Variants in TMEM167A observed in about 807,000 individuals in gnomAD.
TMEM167A encodes transmembrane protein 167A.
In TMEM167A, 8 loss-of-function variants were observed where a neutral mutation model predicts 11.6. The observed-to-expected ratio is 0.69, with a 90% CI of 0.40 to 1.24. The LOEUF is 1.24. TMEM167A is among the 50% of genes most tolerant of loss of function. TMEM167A has a pLI of 0.01. For synonymous variants in TMEM167A, 22 were observed against 28.0 expected (o/e 0.79, Z 0.67); for missense variants, 62 against 87.0 (o/e 0.71, Z 1.14).
chr5:83,072,952 G>A (rs151094938), intron 1 of TMEM167A, among the ~76,000 whole-genome samples: 17 of 152,132 alleles, frequency 1.1e-4, no homozygotes, highest in African/African-American at 4.1e-4. Context: ...TAACTGTGAT[G>A]CCATTTTCAT....
intron 2 of TMEM167A, among the ~76,000 whole-genome samples, chr5:83,064,728 C>T (rs555671288): frequency 2.5e-4 from 38 of 152,214 alleles, no homozygotes; most frequent in African/African-American, 8.2e-4. Flanking sequence ...ATCATAAAAA[C>T]TGATGGACAA....
Position 83,070,174 on chromosome 5 carries a change from A to G in TMEM167A, c.4-5057T>C, listed in dbSNP as rs138168070. ...AGCTTTGAAGGTGCTTGCACACTGG[A>G]AAGTGTGTGTTCTTCTGACTTCTTT... On this transcript the variant is annotated intron_variant, in intron 1 of 3. Transcript: ENST00000502346. Among the ~76,000 whole-genome samples, 365 of 152,244 alleles carry G rather than the reference A, an allele frequency of 2.4e-3. 4 individuals are homozygous for G. Among genetic ancestry groups the G allele is most frequent in the African/African-American group, 8.3e-3 (344 of 41,566 alleles).
rs78770893 is a variant in TMEM167A, at chr5:83,062,953, G to T, written c.114-1042C>A. On this transcript the variant is annotated intron_variant, in intron 2 of 3. Transcript: ENST00000502346. ...TCTGGTTCAGTTAAGTTCTATATATGTTCCTCCTCTGAAGTATAACTTCCT... is the reference window on the plus strand; with the variant it reads ...TCTGGTTCAGTTAAGTTCTATATATTTTCCTCCTCTGAAGTATAACTTCCT... Among the ~76,000 whole-genome samples, 1,275 of 150,218 alleles carry T rather than the reference G, an allele frequency of 8.5e-3. 24 individuals carry two copies. Among genetic ancestry groups the T allele is most frequent in the African/African-American group, 0.03 (1,206 of 40,732 alleles).
chr5:83,057,270 G>A (rs903320431), intron 3 of TMEM167A, 116 bp from the exon 4 acceptor site: 34 of 860,540 alleles, frequency 4.0e-5, no homozygotes, highest in Non-Finnish European at 5.5e-5. Context: ...CCCGCACATT[G>A]GGGGTGGGGC....
chr5:83,071,605 A>G (rs1744561699), intron 1 of TMEM167A, among the ~76,000 whole-genome samples: 1 of 152,224 alleles, frequency 6.6e-6, no homozygotes, highest in African/African-American at 2.4e-5. Flanking sequence ...TTTGCCCAAA[A>G]AAAGTGACCA....
intron 2 of TMEM167A, chr5:83,064,279 G>A (rs1279827431): frequency 3.9e-6 from 2 of 518,716 alleles, no homozygotes; most frequent in Non-Finnish European, 7.7e-6. Flanking sequence ...TGTTAATGTA[G>A]CATGTTATGA....
rs1020805161 is a variant in TMEM167A, at chr5:83,054,287, G to A, written c.*2797C>T. ...TGATCCTCAAATTATTTAAGCCACA[G>A]AAGGGATTCAGACTCTGGCCTTTTG... On this transcript the variant is annotated 3_prime_UTR_variant, in exon 4 of 4. Coordinates refer to ENST00000502346, the MANE Select transcript of TMEM167A (RefSeq NM_174909.5). The A allele has an allele frequency of 1.3e-5, 2 of 151,974 alleles. No individual in the cohort carries two copies. Among genetic ancestry groups the A allele is most frequent in the Non-Finnish European group, 2.9e-5 (2 of 67,934 alleles). The allele number at this position is 151,974 out of a possible 1,614,324, so 9.4% of individuals were successfully genotyped here. A position where few individuals can be genotyped will look rare whatever the true frequency, so the allele number is the denominator to read the frequency against.
chr5:83,066,746 T>C (rs1306096837), intron 1 of TMEM167A, among the ~76,000 whole-genome samples: 1 of 152,040 alleles, frequency 6.6e-6, no homozygotes, highest in African/African-American at 2.4e-5. Flanking sequence ...TGGGAGGTGT[T>C]TGGGTTTGGG....
rs189693711 is a variant in TMEM167A, at chr5:83,068,631, C to T, written c.4-3514G>A. Reference sequence around the variant, plus strand: ...CATTCAGATGGGCAAATAGCAAGCTCCAGAAGAGAAAAAAAAATGTGGGAA... The same window carrying T: ...CATTCAGATGGGCAAATAGCAAGCTTCAGAAGAGAAAAAAAAATGTGGGAA... On this transcript the variant is annotated intron_variant, in intron 1 of 3. Coordinates refer to ENST00000502346, the MANE Select transcript of TMEM167A (RefSeq NM_174909.5). Among the ~76,000 whole-genome samples, 230 of 151,694 alleles carry T rather than the reference C, an allele frequency of 1.5e-3. 2 individuals carry two copies. Among genetic ancestry groups the T allele is most frequent in the African/African-American group, 5.2e-3 (216 of 41,316 alleles).
intron 1 of TMEM167A, among the ~76,000 whole-genome samples, chr5:83,070,580 C>G (rs928511771): frequency 2.6e-5 from 4 of 152,086 alleles, no homozygotes; most frequent in African/African-American, 4.8e-5. Context: ...TATTTGGCCA[C>G]CACTACAGGA....
Position 83,064,638 on chromosome 5 carries a change from A to G in TMEM167A, c.113+370T>C, listed in dbSNP as rs566416319. 7.2e-4 allele frequency among the ~76,000 whole-genome samples: 110 copies of G among 152,220 alleles called. No homozygotes were observed. The Middle Eastern group carries it at 0.024, about 33-fold the overall frequency. On this transcript the variant is annotated intron_variant, in intron 2 of 3. Transcript: ENST00000502346. ...ACGTAATTTCAACAAATGGGTGAAT[A>G]CTGAAGAATAAATTCAACAGGACTT...
intron 1 of TMEM167A, among the ~76,000 whole-genome samples, chr5:83,076,634 T>C (rs1221401282): frequency 6.6e-6 from 1 of 152,248 alleles, no homozygotes. Flanking sequence ...GTCATAGTTG[T>C]TTTTGGGTCT....
At chr5:83,072,388 G>GA (rs1744574923) in intron 1 of TMEM167A, among the ~76,000 whole-genome samples, 1 of 151,996 alleles carries the variant, frequency 6.6e-6, no homozygotes, top group Non-Finnish European at 1.5e-5. Flanking sequence ...TTGCAATCAA[G>GA]AAAAAAACAA....
chr5:83,077,288 G>A (rs746612632), intron 1 of TMEM167A, 33 bp downstream of exon 1: 1 of 1,614,190 alleles, frequency 6.2e-7, no homozygotes. Flanking sequence ...CCTTCTCGAA[G>A]ATCAACCGCG....
chr5:83,072,360 C>A (rs1580178311), intron 1 of TMEM167A, among the ~76,000 whole-genome samples: 1 of 152,274 alleles, frequency 6.6e-6, no homozygotes, highest in African/African-American at 2.4e-5. Flanking sequence ...GCAAAGCCTG[C>A]TGTAAAGTCC....
chr5:83,057,240 T>G lies in TMEM167A; in HGVS notation c.149-86A>C, dbSNP rs1343728019. 3.1e-6 allele frequency: 4 copies of G among 1,304,058 alleles called. No homozygotes were observed. The African/African-American group carries it at 5.8e-5, about 19-fold the overall frequency. 80.8% of individuals were successfully genotyped at this position (1,304,058 alleles called of 1,614,324 possible). On this transcript the variant is annotated intron_variant, in intron 3 of 3. Transcript: ENST00000502346. Reference sequence around the variant, plus strand: ...GGTTATACTACCATAAGAATCAAGATAACATTCTTCCCTAGGAGGCCCGCA... The same window carrying G: ...GGTTATACTACCATAAGAATCAAGAGAACATTCTTCCCTAGGAGGCCCGCA...
At chr5:83,069,906 A>T (rs922250086) in intron 1 of TMEM167A, among the ~76,000 whole-genome samples, 4 of 152,196 alleles carry the variant, frequency 2.6e-5, no homozygotes, top group African/African-American at 9.6e-5. Context: ...AAACCAGTGT[A>T]GATCAGATTG....
At chr5:83,070,342 G>A (rs939722002) in intron 1 of TMEM167A, among the ~76,000 whole-genome samples, 1 of 152,126 alleles carries the variant, frequency 6.6e-6, no homozygotes, top group Non-Finnish European at 1.5e-5. Context: ...GCCTCCAAAC[G>A]ATTTGTCATC....
At chr5:83,064,888 A>G in intron 2 of TMEM167A, 120 bp downstream of exon 2, 2 of 621,694 alleles carry the variant, frequency 3.2e-6, no homozygotes, top group Non-Finnish European at 5.5e-6. Context: ...AGAAAATGAA[A>G]AAAGTTATTA....
Sources: gnomAD v4.1 joint callset for allele counts (sites outside exome capture counted in the v4.1 genomes callset) on GRCh38, gnomAD v4.1.1 for gene constraint, MANE v1.5 for transcripts, NCBI Gene and HGNC (gene_info 2026-07-23, HGNC 2026-07-21) for gene names.